Variants in CARD14 observed in about 807,000 individuals in gnomAD.
CARD14 encodes caspase recruitment domain-containing protein 14.
CARD14 carries 107 observed loss-of-function variants against 111.5 expected under a neutral mutation model. That is an observed-to-expected ratio of 0.96 (90% confidence interval 0.82 to 1.13). The LOEUF is 1.13. CARD14 is among the 50% of genes most tolerant of loss of function. The probability of loss-of-function intolerance (pLI) is 0.00; values close to 1 mark genes in which losing one functional copy is unlikely to be tolerated. For synonymous variants in CARD14, 617 were observed against 579.6 expected (o/e 1.06, Z -0.93); for missense variants, 1,322 against 1,362.3 (o/e 0.97, Z 0.47).
rs1469058557 is a variant in CARD14 at position 80,201,460 on chromosome 17, TTTTTC to T, written c.1852-283_1852-279del. The stretch of plus-strand genomic sequence containing the variant: ...AGGTTCTTTCTTTTCTTTTCTTTTC[TTTTTC>T]AAGACAGGAAAGTGCTTATCACAAA... On this transcript the variant is annotated intron_variant, in intron 16 of 23. Coordinates refer to ENST00000648509, the MANE Select transcript of CARD14 (RefSeq NM_001366385.1). This position sits in a 1 kb window ranked among gnomAD's most constrained non-coding sequence, Gnocchi z 5.0. 4.7e-6 allele frequency: 2 copies of T among 422,414 alleles called. No homozygotes were observed. Among genetic ancestry groups the T allele is most frequent in the Admixed American group, 4.2e-5 (1 of 23,986 alleles). 26.2% of individuals were successfully genotyped at this position (422,414 alleles called of 1,614,324 possible).
At chr17:80,185,797 A>T (rs2040325930) in intron 7 of CARD14, among the ~76,000 whole-genome samples, 1 of 151,970 alleles carries the variant, frequency 6.6e-6, no homozygotes, top group Admixed American at 6.6e-5. Flanking sequence ...CTTCCCTTTG[A>T]TGATAGACGA....
At position 80,187,908 on chromosome 17, in the gene CARD14, G is replaced by A. The variant is rs188508718; in HGVS notation, c.676-469G>A. On this transcript the variant is annotated intron_variant, in intron 7 of 23. Coordinates refer to ENST00000648509, the MANE Select transcript of CARD14 (RefSeq NM_001366385.1). ...GGAGCTTTGCTGTCTGAACAGCCCC[G>A]GTCCCGCGTTCCCAGGCACGTCTAC... 67 of 985,686 alleles carry A rather than the reference G, an allele frequency of 6.8e-5. No homozygotes were observed. In the East Asian group the frequency reaches 1.1e-3, roughly 17 times the overall value. The allele number at this position is 985,686 out of a possible 1,614,324, so 61.1% of individuals were successfully genotyped here.
rs2040784548 is a variant in CARD14 at position 80,198,129 on chromosome 17, C to CGAA, written c.1625_1626insGAA (p.Pro542_Val543insLys). The CGAA allele has an allele frequency of 1.9e-6, 3 of 1,613,750 alleles. No homozygotes were observed. In the African/African-American group the frequency reaches 4.0e-5, roughly 22 times the overall value. On this transcript the variant is annotated inframe_insertion, in exon 15 of 24. Transcript: ENST00000648509. This position sits in a 1 kb window ranked among gnomAD's most constrained non-coding sequence, Gnocchi z 7.5. Reference sequence around the variant, plus strand: ...CCGCAGCTGGAAAGCAGCCTGCAGCCAGTCTCCCCTGGAAGGCTTGATGTC... The same window carrying CGAA: ...CCGCAGCTGGAAAGCAGCCTGCAGCCGAAAGTCTCCCCTGGAAGGCTTGATGTC...
At chr17:80,197,622 G>A (rs976061601) in intron 14 of CARD14, 2 of 185,304 alleles carry the variant, frequency 1.1e-5, no homozygotes, top group Non-Finnish European at 2.3e-5. Context: ...CAGTAATGCA[G>A]GCCAGTCCTG....
At chr17:80,173,712 C>T (rs541661040) in intron 2 of CARD14, among the ~76,000 whole-genome samples, 1 of 151,892 alleles carries the variant, frequency 6.6e-6, no homozygotes, top group Admixed American at 6.6e-5. Flanking sequence ...GATTCTCCTG[C>T]CTCAGCTTCC....
In CARD14 at chr17:80,188,280, A is replaced by G. The variant is rs140965756; in HGVS notation, c.676-97A>G. The G allele has an allele frequency of 1.3e-3, 1,749 of 1,311,598 alleles. 18 individuals carry two copies. In the African/African-American group the frequency reaches 0.02, roughly 15 times the overall value. 81.2% of individuals were successfully genotyped at this position (1,311,598 alleles called of 1,614,324 possible). On this transcript the variant is annotated intron_variant, in intron 7 of 23. Transcript: ENST00000648509. This position sits in a 1 kb window ranked among gnomAD's most constrained non-coding sequence, Gnocchi z 4.5. ...GAGGCAGGAAGCCCCCTGAGTGCTA[A>G]AAGCATCATTAGGAGGAAGGGTGAG...
chr17:80,170,699 A>G (rs1309505215), intron 1 of CARD14, among the ~76,000 whole-genome samples: 1 of 151,878 alleles, frequency 6.6e-6, no homozygotes, highest in Non-Finnish European at 1.5e-5. Flanking sequence ...GGATTTTATG[A>G]TCTTAGGCTC....
intron 4 of CARD14, among the ~76,000 whole-genome samples, chr17:80,179,580 C>G (rs2040105861): frequency 6.6e-6 from 1 of 152,194 alleles, no homozygotes; most frequent in Admixed American, 6.5e-5. Flanking sequence ...GGACTGTAAT[C>G]CCAGCACTTT....
chr17:80,209,244 T>C lies in CARD14; in HGVS notation c.*899T>C. The C allele has an allele frequency of 4.6e-6, 4 of 873,916 alleles. No individual in the cohort carries two copies. The highest frequency in any genetic ancestry group is 5.5e-6 in the Non-Finnish European group (4 of 728,046). The allele number at this position is 873,916 out of a possible 1,614,324, so 54.1% of individuals were successfully genotyped here. ...CAGCAGTGTCCAAGAATCAGGAAGC[T>C]GTTCTAGAATTCAGGTTGGTATCAT... On this transcript the variant is annotated 3_prime_UTR_variant, in exon 24 of 24. Transcript: ENST00000648509.
At chr17:80,176,635 G>C (rs1479752603) in intron 2 of CARD14, among the ~76,000 whole-genome samples, 3 of 152,168 alleles carry the variant, frequency 2.0e-5, no homozygotes, top group African/African-American at 7.2e-5. Context: ...GGGGCCTGAA[G>C]ACCCCTCGGT....
intron 7 of CARD14, among the ~76,000 whole-genome samples, chr17:80,186,700 C>T (rs12948806): frequency 0.24 from 36,828 of 152,030 alleles, 4,640 homozygotes; most frequent in Middle Eastern, 0.28. Flanking sequence ...AGGCGCGCAC[C>T]ACCACACCTG....
At chr17:80,199,368 T>C (rs1200427433) in intron 16 of CARD14, among the ~76,000 whole-genome samples, 1 of 151,126 alleles carries the variant, frequency 6.6e-6, no homozygotes, top group Non-Finnish European at 1.5e-5. Flanking sequence ...GGCGCCTGCA[T>C]GGTCAGGGGG....
intron 12 of CARD14, among the ~76,000 whole-genome samples, chr17:80,194,937 G>A (rs2040656370): frequency 6.6e-6 from 1 of 152,186 alleles, no homozygotes; most frequent in Non-Finnish European, 1.5e-5. Flanking sequence ...GATTTATCGT[G>A]AGAACTAAGC....
intron 2 of CARD14, among the ~76,000 whole-genome samples, chr17:80,176,439 CAAAAAAAAAAA>C (rs11290027): frequency 1.0e-5 from 1 of 96,862 alleles, no homozygotes; most frequent in Admixed American, 1.1e-4. Flanking sequence ...GACCTTGTCT[CAAAAAAAAAAA>C]AAAAAAAAAA....
chr17:80,195,115 C>T lies in CARD14; in HGVS notation c.1357-76C>T, dbSNP rs987526333. On this transcript the variant is annotated intron_variant, in intron 12 of 23. Coordinates refer to ENST00000648509, the MANE Select transcript of CARD14 (RefSeq NM_001366385.1). This position sits in a 1 kb window ranked among gnomAD's most constrained non-coding sequence, Gnocchi z 4.7. ...TCAGTTCTCACTGTGGCTCTCTCTA[C>T]ACCGTGGGGGAGCAAGGGAGGAGTC... The T allele has an allele frequency of 1.3e-6, 2 of 1,515,678 alleles. No homozygotes were observed. Among genetic ancestry groups the T allele is most frequent in the Non-Finnish European group, 1.8e-6 (2 of 1,125,286 alleles). The allele number at this position is 1,515,678 out of a possible 1,614,324, so 93.9% of individuals were successfully genotyped here. A position where few individuals can be genotyped will look rare whatever the true frequency, so the allele number is the denominator to read the frequency against.
chr17:80,177,667 C>G (rs1413921376), intron 2 of CARD14, among the ~76,000 whole-genome samples: 1 of 152,122 alleles, frequency 6.6e-6, no homozygotes. Context: ...TGCACTGCAG[C>G]CTGGGAGACG....
chr17:80,189,066 A>G lies in CARD14; in HGVS notation c.843+522A>G, dbSNP rs2040433966. Reference sequence around the variant, plus strand: ...CCCTGTCTCAAACAAACAAAAATAAAAGCCGCTGGAGGTGCATCACAATGC... The same window carrying G: ...CCCTGTCTCAAACAAACAAAAATAAGAGCCGCTGGAGGTGCATCACAATGC... On this transcript the variant is annotated intron_variant, in intron 8 of 23. Coordinates refer to ENST00000648509, the MANE Select transcript of CARD14 (RefSeq NM_001366385.1). This position sits in a 1 kb window ranked among gnomAD's most constrained non-coding sequence, Gnocchi z 4.7. 6.6e-6 allele frequency among the ~76,000 whole-genome samples: 1 copy of G among 151,992 alleles called. No individual in the cohort carries two copies. Among genetic ancestry groups the G allele is most frequent in the Non-Finnish European group, 1.5e-5 (1 of 67,994 alleles).
chr17:80,195,050 C>T lies in CARD14; in HGVS notation c.1357-141C>T, dbSNP rs1025890755. 3 of 1,065,096 alleles carry T rather than the reference C, an allele frequency of 2.8e-6. No homozygotes were observed. In the South Asian group the frequency reaches 4.9e-5, roughly 17 times the overall value. 66.0% of individuals were successfully genotyped at this position (1,065,096 alleles called of 1,614,324 possible). ...ACAGCAGGTGCTCAGCGCATGTGAC[C>T]CCATGTGTGTCCTTCTTTCCCCTCC... On this transcript the variant is annotated intron_variant, in intron 12 of 23. Transcript: ENST00000648509. The surrounding 1 kb of genome is among the most constrained non-coding windows in gnomAD (Gnocchi z 4.7).
At chr17:80,205,506 T>C in intron 21 of CARD14, 25 bp from the exon 22 acceptor site, 1 of 1,576,078 alleles carries the variant, frequency 6.3e-7, no homozygotes, top group Non-Finnish European at 8.6e-7. Context: ...TGGTCTATGA[T>C]GGCCCCGTCC....
Sources: gnomAD v4.1 joint callset for allele counts (sites outside exome capture counted in the v4.1 genomes callset) on GRCh38, gnomAD v4.1.1 for gene constraint, Gnocchi (gnomAD v3.1) non-coding constraint, MANE v1.5 for transcripts, NCBI Gene and HGNC (gene_info 2026-07-23, HGNC 2026-07-21) for gene names.